KIAA0825: variants seen among roughly 807,000 people sequenced by gnomAD.
KIAA0825 encodes the protein uncharacterized protein KIAA0825.
In KIAA0825, 119 loss-of-function variants were observed where a neutral mutation model predicts 147.6. The ratio of observed to expected loss-of-function variants is 0.81; its 90% CI spans 0.69 to 0.94. The LOEUF is 0.94. Among genes scored for constraint, KIAA0825 ranks in the 40% least tolerant of loss-of-function variants. KIAA0825 has a pLI of 0.00. For synonymous variants in KIAA0825, 470 were observed against 518.1 expected (o/e 0.91, Z 1.26); for missense variants, 1,381 against 1,472.7 (o/e 0.94, Z 1.02).
chr5:94,536,297 A>T (rs1772001911), intron 3 of KIAA0825, among the ~76,000 whole-genome samples: 1 of 152,220 alleles, frequency 6.6e-6, no homozygotes, highest in African/African-American at 2.4e-5. Flanking sequence ...CTTAAATTTT[A>T]AAAAAAGAAA....
chr5:94,438,321 C>T (rs1228284128), intron 14 of KIAA0825, among the ~76,000 whole-genome samples: 1 of 152,124 alleles, frequency 6.6e-6, no homozygotes, highest in Non-Finnish European at 1.5e-5. Flanking sequence ...AATTAGATAA[C>T]ACATATAAAA....
intron 2 of KIAA0825, among the ~76,000 whole-genome samples, chr5:94,538,121 G>C (rs1373868711): frequency 6.6e-6 from 1 of 152,176 alleles, no homozygotes; most frequent in African/African-American, 2.4e-5. Context: ...TGCCCTCATG[G>C]AGTTTTTATT....
At chr5:94,466,076 C>T (rs1408309023) in intron 10 of KIAA0825, among the ~76,000 whole-genome samples, 1 of 151,814 alleles carries the variant, frequency 6.6e-6, no homozygotes, top group Non-Finnish European at 1.5e-5. Flanking sequence ...TTATCTTTTA[C>T]TTAAAATTTC....
chr5:94,256,683 C>A (rs984078972), intron 20 of KIAA0825, among the ~76,000 whole-genome samples: 2 of 152,066 alleles, frequency 1.3e-5, no homozygotes, highest in South Asian at 4.1e-4. Context: ...GTACTGAACA[C>A]CCAATATTTC....
intron 20 of KIAA0825, among the ~76,000 whole-genome samples, chr5:94,229,850 G>A (rs1388241637): frequency 6.6e-6 from 1 of 151,976 alleles, no homozygotes; most frequent in Non-Finnish European, 1.5e-5. Flanking sequence ...TCTAATGCAG[G>A]TGTGTCTTCA....
At chr5:94,493,296 C>T (rs1427190982) in intron 5 of KIAA0825, among the ~76,000 whole-genome samples, 1 of 152,150 alleles carries the variant, frequency 6.6e-6, no homozygotes, top group Non-Finnish European at 1.5e-5. Flanking sequence ...ACAGATAATT[C>T]TCTTAGCCTA....
chr5:94,594,949 G>A (rs1321273105), intron 1 of KIAA0825, among the ~76,000 whole-genome samples: 1 of 151,836 alleles, frequency 6.6e-6, no homozygotes, highest in Non-Finnish European at 1.5e-5. Flanking sequence ...GCATGCTGAT[G>A]TAAGAGGTGG....
chr5:94,442,797 T>C (rs978813531), intron 13 of KIAA0825, among the ~76,000 whole-genome samples: 2 of 152,140 alleles, frequency 1.3e-5, no homozygotes, highest in African/African-American at 4.8e-5. Context: ...AAGATCCCAT[T>C]TGGCTGAAGT....
intron 2 of KIAA0825, among the ~76,000 whole-genome samples, chr5:94,547,057 T>C (rs76609342): frequency 3.3e-5 from 5 of 151,786 alleles, no homozygotes; most frequent in Non-Finnish European, 7.4e-5. Flanking sequence ...AGTTGAAAAA[T>C]GTAATTGACA....
intron 1 of KIAA0825, among the ~76,000 whole-genome samples, chr5:94,586,733 C>A (rs1287123579): frequency 1.3e-5 from 2 of 151,978 alleles, no homozygotes; most frequent in Non-Finnish European, 2.9e-5. Flanking sequence ...GGCAGAGACC[C>A]AACAAAAAAA....
At chr5:94,594,393 A>T in intron 1 of KIAA0825, 1 of 764,718 alleles carries the variant, frequency 1.3e-6, no homozygotes. Flanking sequence ...ACTAGGAGGA[A>T]TCAATTGTGT....
At chr5:94,488,523 G>A (rs760586986) in intron 5 of KIAA0825, among the ~76,000 whole-genome samples, 9 of 151,718 alleles carry the variant, frequency 5.9e-5, no homozygotes, top group East Asian at 3.9e-4. Flanking sequence ...GTAAGCCCAC[G>A]TAAATAATGA....
At chr5:94,305,999 T>G (rs1456869077) in intron 20 of KIAA0825, among the ~76,000 whole-genome samples, 1 of 151,926 alleles carries the variant, frequency 6.6e-6, no homozygotes, top group Non-Finnish European at 1.5e-5. Flanking sequence ...TGTACATTAT[T>G]ATCTCTCCAT....
At chr5:94,575,782 C>T (rs75653274) in intron 2 of KIAA0825, among the ~76,000 whole-genome samples, 1,844 of 152,252 alleles carry the variant, frequency 0.012, 35 homozygotes, top group African/African-American at 0.042. Context: ...ATACACATGC[C>T]GGCCTTTGGC....
chr5:94,396,102 A>G lies in KIAA0825; in HGVS notation c.3295T>C (p.Cys1099Arg). The change falls in exon 17 of 21, where the codon TGT (cysteine) becomes CGT (arginine). Residue 1099 changes from cysteine to arginine, a missense_variant and splice_region_variant. Coordinates refer to ENST00000682413, the MANE Select transcript of KIAA0825 (RefSeq NM_001145678.3). ...LLKARKLSTECAFMTIEKSTA... is the reference protein window; with the variant it reads ...LLKARKLSTERAFMTIEKSTA... ...AATAAGAGAAAAACATCACTTTACC[A>G]TTCAGTGCTCAGTTTCCTTGCTTTC... is the stretch of plus-strand genomic sequence containing the variant. 6.8e-7 allele frequency: 1 copy of G among 1,463,682 alleles called. No individual in the cohort carries two copies. The highest frequency in any genetic ancestry group is 1.5e-5 in the South Asian group (1 of 68,566). 90.7% of individuals were successfully genotyped at this position (1,463,682 alleles called of 1,614,324 possible).
intron 14 of KIAA0825, among the ~76,000 whole-genome samples, chr5:94,422,602 CTA>C (rs1754339890): frequency 6.6e-6 from 1 of 152,086 alleles, no homozygotes; most frequent in African/African-American, 2.4e-5. Flanking sequence ...TTTTTCTTCC[CTA>C]TAGTCCCTTA....
At chr5:94,537,597 G>T (rs1053913276) in intron 2 of KIAA0825, among the ~76,000 whole-genome samples, 1 of 149,242 alleles carries the variant, frequency 6.7e-6, no homozygotes, top group Admixed American at 6.7e-5. Flanking sequence ...GCAGTGAGCC[G>T]CGATTGCGCC....
intron 20 of KIAA0825, among the ~76,000 whole-genome samples, chr5:94,154,352 T>A (rs889800238): frequency 6.6e-6 from 1 of 152,218 alleles, no homozygotes; most frequent in Non-Finnish European, 1.5e-5. Flanking sequence ...CACTTCAGGA[T>A]AAAGTTTTTA....
In KIAA0825 at chr5:94,258,720, A is replaced by G. The variant is rs184426871; in HGVS notation, c.3711-104596T>C. Reference sequence around the variant, plus strand: ...ACTGAAAAGTGATTGCAACTAAGCTACAAAGCAATACCAAAAGTTTTAGAG... The same window carrying G: ...ACTGAAAAGTGATTGCAACTAAGCTGCAAAGCAATACCAAAAGTTTTAGAG... On this transcript the variant is annotated intron_variant, in intron 20 of 20. Coordinates refer to ENST00000682413, the MANE Select transcript of KIAA0825 (RefSeq NM_001145678.3). Among the ~76,000 whole-genome samples, 5 of 152,178 alleles carry G rather than the reference A, an allele frequency of 3.3e-5. No homozygotes were observed. In the East Asian group the frequency reaches 9.6e-4, roughly 29 times the overall value.
Sources: gnomAD v4.1 joint callset for allele counts (sites outside exome capture counted in the v4.1 genomes callset) on GRCh38, gnomAD v4.1.1 for gene constraint, MANE v1.5 for transcripts, NCBI Gene and HGNC (gene_info 2026-07-23, HGNC 2026-07-21) for gene names.